Variants in AP3M2 observed in about 807,000 individuals in gnomAD.
AP3M2 encodes the protein AP-3 complex subunit mu-2.
Under a neutral mutation model 41.6 loss-of-function variants are expected in AP3M2, and 28 were observed. The ratio of observed to expected loss-of-function variants is 0.67; its 90% confidence interval spans 0.50 to 0.92. The LOEUF (loss-of-function observed/expected upper bound fraction) is 0.92, where lower values mean the gene tolerates loss of function less well. AP3M2 is among the 40% of genes least tolerant of loss of function. The pLI, the probability that AP3M2 is intolerant of heterozygous loss-of-function variation, is 0.00. For synonymous variants in AP3M2, 193 were observed against 186.4 expected (o/e 1.04, Z -0.29); for missense variants, 427 against 521.4 (o/e 0.82, Z 1.76).
intron 4 of AP3M2, among the ~76,000 whole-genome samples, chr8:42,163,572 A>T (rs1352830784): frequency 1.3e-5 from 2 of 152,244 alleles, no homozygotes; most frequent in African/African-American, 4.8e-5. Flanking sequence ...GAAGTTATTA[A>T]GATGTGTGGA....
rs1435233717 is a variant in AP3M2, at chr8:42,170,856, CAACT to C, written c.*1798_*1801del. ...TTCTAAGGTTTCCTAGGTCACTGAACAACTAATCTTGGTCCCTGAATATTTCTAG... is the reference window on the plus strand; with the variant it reads ...TTCTAAGGTTTCCTAGGTCACTGAACAATCTTGGTCCCTGAATATTTCTAG... On this transcript the variant is annotated 3_prime_UTR_variant, in exon 9 of 9. Coordinates refer to ENST00000396926, the MANE Select transcript of AP3M2 (RefSeq NM_006803.4). 2 of 152,226 alleles carry C rather than the reference CAACT, an allele frequency of 1.3e-5. No individual in the cohort carries two copies. Among genetic ancestry groups the C allele is most frequent in the Non-Finnish European group, 2.9e-5 (2 of 68,036 alleles). 9.4% of individuals were successfully genotyped at this position (152,226 alleles called of 1,614,324 possible).
At chr8:42,161,475 G>A (rs1203358374) in intron 3 of AP3M2, among the ~76,000 whole-genome samples, 2 of 152,056 alleles carry the variant, frequency 1.3e-5, no homozygotes, top group Admixed American at 6.6e-5. Context: ...CGGATGTGGT[G>A]GCACGCGCCT....
At chr8:42,164,482 A>C (rs1202362278) in intron 4 of AP3M2, among the ~76,000 whole-genome samples, 1 of 152,260 alleles carries the variant, frequency 6.6e-6, no homozygotes, top group African/African-American at 2.4e-5. Context: ...ATAGAAGTTC[A>C]GAACTGAAAA....
intron 3 of AP3M2, 105 bp from the exon 4 acceptor site, chr8:42,162,176 T>TA (rs1335001682): frequency 1.5e-5 from 17 of 1,147,058 alleles, no homozygotes; most frequent in Admixed American, 2.8e-5. Flanking sequence ...GAAAAATTCT[T>TA]CAATTGAGTG....
chr8:42,168,842 G>A (rs1176950143), intron 8 of AP3M2, 119 bp from the exon 9 acceptor site: 1 of 694,880 alleles, frequency 1.4e-6, no homozygotes, highest in Admixed American at 2.9e-5. Context: ...TGCATAAGTG[G>A]TTCCCTGTCA....
Position 42,167,215 on chromosome 8 carries a change from T to C in AP3M2, c.855T>C (p.Ser285=). ...AACATAACATCAGTTTCCGGGACAG[T>C]AGTTCCCTTGGACGCTTTGAAATAA... ...YVKHNISFRD[S]SSLGRFEITV... Residue 285 remains serine (S), a synonymous_variant, in exon 7 of 9, where the codon AGT becomes AGC. Transcript: ENST00000396926. The C allele has an allele frequency of 1.2e-6, 2 of 1,614,102 alleles. No homozygotes were observed. Among genetic ancestry groups the C allele is most frequent in the Non-Finnish European group, 1.7e-6 (2 of 1,180,008 alleles).
chr8:42,154,599 G>T lies in AP3M2; in HGVS notation c.-72-17G>T. The T allele has an allele frequency of 1.3e-6, 2 of 1,532,554 alleles. No homozygotes were observed. Among genetic ancestry groups the T allele is most frequent in the Admixed American group, 2.0e-5 (1 of 49,646 alleles). The allele number at this position is 1,532,554 out of a possible 1,614,324, so 94.9% of individuals were successfully genotyped here. ...TTTTGGTTGAATGGAACTGAATATC[G>T]CTGCTTTTGTTTTTAGAGTTGAAAA... On this transcript the variant is annotated splice_polypyrimidine_tract_variant and intron_variant, in intron 1 of 8. Coordinates refer to ENST00000396926, the MANE Select transcript of AP3M2 (RefSeq NM_006803.4).
intron 8 of AP3M2, 78 bp from the exon 9 acceptor site, chr8:42,168,883 A>T: frequency 2.8e-6 from 3 of 1,064,878 alleles, no homozygotes; most frequent in Non-Finnish European, 4.1e-6. Context: ...ACTTCAGTGT[A>T]TTGAACAGAA....
chr8:42,168,896 AGTTAG>A, intron 8 of AP3M2, 60 bp from the exon 9 acceptor site: 1 of 1,268,854 alleles, frequency 7.9e-7, no homozygotes. Flanking sequence ...GAACAGAAAC[AGTTAG>A]GCGACCTGCT....
At chr8:42,157,503 C>T (rs1422102562) in intron 2 of AP3M2, among the ~76,000 whole-genome samples, 1 of 152,136 alleles carries the variant, frequency 6.6e-6, no homozygotes, top group East Asian at 1.9e-4. Flanking sequence ...TCATTTTTTT[C>T]CCCTCAACTC....
chr8:42,157,593 T>C (rs1177834951), intron 2 of AP3M2, among the ~76,000 whole-genome samples: 1 of 151,688 alleles, frequency 6.6e-6, no homozygotes, highest in Non-Finnish European at 1.5e-5. Context: ...TTATATCAAG[T>C]ATTATTTTGT....
chr8:42,164,509 G>A (rs544942487), intron 4 of AP3M2, among the ~76,000 whole-genome samples: 2 of 152,326 alleles, frequency 1.3e-5, no homozygotes, highest in East Asian at 3.9e-4. Flanking sequence ...TAAGGGATGT[G>A]CAAAGAAAGA....
intron 3 of AP3M2, 88 bp from the exon 4 acceptor site, chr8:42,162,193 T>C (rs1587915453): frequency 1.1e-5 from 14 of 1,319,822 alleles, no homozygotes; most frequent in African/African-American, 8.9e-5. Context: ...AGTGCATGAA[T>C]AGTGGGAGCA....
At chr8:42,166,591 C>CAAAAAAAAAAAAAAA (rs56858276) in intron 6 of AP3M2, among the ~76,000 whole-genome samples, 29 of 77,028 alleles carry the variant, frequency 3.8e-4, no homozygotes, top group Admixed American at 6.6e-4. Context: ...CTTGTCTCTA[C>CAAAAAAAAAAAAAAA]AAAAAAAAAA....
intron 2 of AP3M2, among the ~76,000 whole-genome samples, chr8:42,155,392 C>G (rs1804328830): frequency 6.6e-6 from 1 of 152,164 alleles, no homozygotes; most frequent in African/African-American, 2.4e-5. Context: ...CTCTCCCAGT[C>G]AGGGGTAACT....
chr8:42,169,137 G>A lies in AP3M2; in HGVS notation c.*76G>A. The A allele has an allele frequency of 7.8e-7, 1 of 1,280,708 alleles. No homozygotes were observed. The highest frequency in any genetic ancestry group is 1.4e-5 in the South Asian group (1 of 72,302). The allele number at this position is 1,280,708 out of a possible 1,614,324, so 79.3% of individuals were successfully genotyped here. A position where few individuals can be genotyped will look rare whatever the true frequency, so the allele number is the denominator to read the frequency against. On this transcript the variant is annotated 3_prime_UTR_variant, in exon 9 of 9. Transcript: ENST00000396926. Reference sequence around the variant, plus strand: ...TGTCTAAAAGTAAAAAAAAATATCAGCCTGTCTCCTAGGTCAGTCCCCTCC... The same window carrying A: ...TGTCTAAAAGTAAAAAAAAATATCAACCTGTCTCCTAGGTCAGTCCCCTCC...
chr8:42,161,031 A>T (rs768062437), intron 3 of AP3M2, among the ~76,000 whole-genome samples: 1 of 152,222 alleles, frequency 6.6e-6, no homozygotes, highest in Non-Finnish European at 1.5e-5. Context: ...TGGGCCTGAC[A>T]TATTGGCTCA....
At chr8:42,155,924 C>A (rs770875348) in intron 2 of AP3M2, 20 of 453,346 alleles carry the variant, frequency 4.4e-5, no homozygotes, top group Non-Finnish European at 7.5e-5. Context: ...AGAACAACTT[C>A]CCTTCCCAAG....
chr8:42,157,790 A>G, intron 2 of AP3M2, 151 bp from the exon 3 acceptor site: 3 of 646,356 alleles, frequency 4.6e-6, no homozygotes, highest in Admixed American at 3.1e-5. Flanking sequence ...GCCTAAGAGA[A>G]CTATGGTTAT....
Sources: gnomAD v4.1 joint callset for allele counts (sites outside exome capture counted in the v4.1 genomes callset) on GRCh38, gnomAD v4.1.1 for gene constraint, MANE v1.5 for transcripts, NCBI Gene and HGNC (gene_info 2026-07-23, HGNC 2026-07-21) for gene names.